The following GRID2 variants were observed in gnomAD, a reference collection of about 807,000 sequenced individuals.
GRID2 encodes the protein glutamate ionotropic receptor delta type subunit 2.
A neutral mutation model predicts 114.8 loss-of-function variants in GRID2; 33 were observed. The ratio of observed to expected loss-of-function variants is 0.29; its 90% CI spans 0.22 to 0.38. The LOEUF (loss-of-function observed/expected upper bound fraction) is 0.38. GRID2 is among the 10% of genes least tolerant of loss of function. The probability of loss-of-function intolerance (pLI) is 1.00; values close to 1 mark genes in which losing one functional copy is unlikely to be tolerated. For synonymous variants in GRID2, 505 were observed against 449.9 expected (o/e 1.12, Z -1.55); for missense variants, 1,184 against 1,257.7 (o/e 0.94, Z 0.89).
intron 2 of GRID2, among the ~76,000 whole-genome samples, chr4:92,862,401 TC>T (rs1291412777): frequency 1.3e-5 from 2 of 152,050 alleles, no homozygotes; most frequent in African/African-American, 4.8e-5. Flanking sequence ...TTGGGTGTAA[TC>T]TTTTTTTTAT....
chr4:93,492,664 G>A (rs951586714), intron 12 of GRID2, among the ~76,000 whole-genome samples: 4 of 151,786 alleles, frequency 2.6e-5, no homozygotes, highest in African/African-American at 9.7e-5. Context: ...TCTATAATTG[G>A]TATCTACCAT....
At position 92,816,094 on chromosome 4, in the gene GRID2, T is replaced by C. The variant is rs2149382562; in HGVS notation, c.244+225808T>C. Among the ~76,000 whole-genome samples the C allele has an allele frequency of 1.3e-5, 2 of 151,486 alleles. 1 individual carries two copies. Among genetic ancestry groups the C allele is most frequent in the Admixed American group, 1.3e-4 (2 of 15,206 alleles). ...ACTTTGGGAGGCCAAGGCAGGTGGATCACCTGAGGTCCGGAGTTCGAGATC... is the reference window on the plus strand; with the variant it reads ...ACTTTGGGAGGCCAAGGCAGGTGGACCACCTGAGGTCCGGAGTTCGAGATC... On this transcript the variant is annotated intron_variant, in intron 2 of 15. Coordinates refer to ENST00000282020, the MANE Select transcript of GRID2 (RefSeq NM_001510.4).
chr4:92,770,061 A>G (rs1738464748), intron 2 of GRID2, among the ~76,000 whole-genome samples: 1 of 152,148 alleles, frequency 6.6e-6, no homozygotes, highest in Admixed American at 6.5e-5. Flanking sequence ...ATCTTATAAA[A>G]CTGAATGCTT....
intron 2 of GRID2, among the ~76,000 whole-genome samples, chr4:92,691,835 C>A (rs970422800): frequency 1.6e-4 from 25 of 152,238 alleles, no homozygotes; most frequent in African/African-American, 5.5e-4. Flanking sequence ...GAGTTTACCA[C>A]CCTCATGTAC....
intron 1 of GRID2, among the ~76,000 whole-genome samples, chr4:92,545,967 G>GA (rs1443952885): frequency 6.6e-6 from 1 of 152,044 alleles, no homozygotes; most frequent in African/African-American, 2.4e-5. Context: ...AGGAGCATCT[G>GA]AAAAAATGTA....
chr4:93,254,463 C>G (rs1482589149), intron 8 of GRID2, among the ~76,000 whole-genome samples: 1 of 152,092 alleles, frequency 6.6e-6, no homozygotes, highest in East Asian at 1.9e-4. Flanking sequence ...CTTTTCCAAG[C>G]AATTCTTAAT....
At chr4:92,349,952 C>G (rs938890746) in intron 1 of GRID2, among the ~76,000 whole-genome samples, 1 of 151,902 alleles carries the variant, frequency 6.6e-6, no homozygotes, top group Non-Finnish European at 1.5e-5. Flanking sequence ...ACAAATTTCT[C>G]TCTGAAAAAG....
intron 1 of GRID2, among the ~76,000 whole-genome samples, chr4:92,330,476 G>T (rs1726825767): frequency 6.6e-6 from 1 of 151,976 alleles, no homozygotes; most frequent in Non-Finnish European, 1.5e-5. Flanking sequence ...ATGTTAATTG[G>T]ATCTATCATA....
At chr4:93,301,616 G>A (rs904485403) in intron 8 of GRID2, among the ~76,000 whole-genome samples, 3 of 152,108 alleles carry the variant, frequency 2.0e-5, no homozygotes, top group South Asian at 4.1e-4. Flanking sequence ...AACAGTAACT[G>A]TTTAATTTGA....
At chr4:92,858,122 C>A (rs781714058) in intron 2 of GRID2, among the ~76,000 whole-genome samples, 1 of 152,210 alleles carries the variant, frequency 6.6e-6, no homozygotes, top group African/African-American at 2.4e-5. Context: ...CCTGGTCAAC[C>A]TAGACCTCTG....
At chr4:92,912,369 T>A (rs556499729) in intron 2 of GRID2, among the ~76,000 whole-genome samples, 1 of 151,742 alleles carries the variant, frequency 6.6e-6, no homozygotes, top group Non-Finnish European at 1.5e-5. Flanking sequence ...AGGTATTACA[T>A]TAGAGATAGG....
intron 8 of GRID2, among the ~76,000 whole-genome samples, chr4:93,357,766 C>T (rs1249407768): frequency 6.6e-6 from 1 of 151,538 alleles, no homozygotes; most frequent in African/African-American, 2.4e-5. Context: ...AGGAATCCAG[C>T]TTTATTTTAT....
chr4:93,693,445 G>T (rs1051420924), intron 14 of GRID2, among the ~76,000 whole-genome samples: 4 of 151,974 alleles, frequency 2.6e-5, no homozygotes, highest in African/African-American at 9.7e-5. Context: ...ATCCCCTGAG[G>T]GTAGTTTTAT....
At chr4:92,410,932 C>T (rs1320430666) in intron 1 of GRID2, among the ~76,000 whole-genome samples, 1 of 140,166 alleles carries the variant, frequency 7.1e-6, no homozygotes, top group African/African-American at 2.7e-5. Context: ...TTCAGGTCAA[C>T]AGTATTTGAC....
intron 14 of GRID2, among the ~76,000 whole-genome samples, chr4:93,765,792 G>T (rs1197606025): frequency 6.6e-6 from 1 of 151,610 alleles, no homozygotes; most frequent in Non-Finnish European, 1.5e-5. Context: ...AATGAAGGAA[G>T]GAATAAATGA....
intron 2 of GRID2, among the ~76,000 whole-genome samples, chr4:92,766,486 G>A (rs921586076): frequency 2.8e-5 from 4 of 144,732 alleles, no homozygotes; most frequent in African/African-American, 1.0e-4. Context: ...GCGGTGAGCC[G>A]AGATAGTGCC....
intron 2 of GRID2, among the ~76,000 whole-genome samples, chr4:92,930,021 C>T (rs535934510): frequency 2.6e-5 from 4 of 151,328 alleles, no homozygotes; most frequent in African/African-American, 9.6e-5. Context: ...CCTTCTCCCT[C>T]CCTCCATCTT....
chr4:92,779,412 T>C (rs1157033752), intron 2 of GRID2, among the ~76,000 whole-genome samples: 1 of 152,122 alleles, frequency 6.6e-6, no homozygotes, highest in Non-Finnish European at 1.5e-5. Context: ...TCTCATTACT[T>C]TCTTTCTAAA....
chr4:92,395,868 G>A (rs1730467998), intron 1 of GRID2, among the ~76,000 whole-genome samples: 1 of 151,610 alleles, frequency 6.6e-6, no homozygotes, highest in African/African-American at 2.4e-5. Context: ...TGCCCCTAAA[G>A]GCCAATATCT....
Sources: gnomAD v4.1 joint callset for allele counts (sites outside exome capture counted in the v4.1 genomes callset) on GRCh38, gnomAD v4.1.1 for gene constraint, MANE v1.5 for transcripts, NCBI Gene and HGNC (gene_info 2026-07-23, HGNC 2026-07-21) for gene names.